The following NBEA variants were observed in gnomAD, a reference collection of about 807,000 sequenced individuals.
The protein encoded by NBEA is lysosomal-trafficking regulator 2.
NBEA carries 44 observed loss-of-function variants against 343.4 expected under a neutral mutation model. That is an observed-to-expected ratio of 0.13 (90% CI 0.10 to 0.16). NBEA has a LOEUF of 0.16. Among genes scored for constraint, NBEA ranks in the 10% least tolerant of loss-of-function variants. NBEA has a pLI of 1.00. For synonymous variants in NBEA, 1,175 were observed against 1,238.7 expected (o/e 0.95, Z 1.08); for missense variants, 2,555 against 3,631.3 (o/e 0.70, Z 7.62).
chr13:35,642,714 G>A (rs1000066320), intron 49 of NBEA, among the ~76,000 whole-genome samples: 2 of 152,092 alleles, frequency 1.3e-5, no homozygotes, highest in South Asian at 2.1e-4. Context: ...CCTGATCTGC[G>A]AAGTTTTTAA....
chr13:35,346,812 A>G (rs907319707), intron 36 of NBEA, among the ~76,000 whole-genome samples: 2 of 152,112 alleles, frequency 1.3e-5, no homozygotes, highest in African/African-American at 2.4e-5. Flanking sequence ...AAATCTTATC[A>G]AGGAGTGATT....
At chr13:35,152,221 G>A (rs1022876843) in intron 18 of NBEA, among the ~76,000 whole-genome samples, 1 of 152,064 alleles carries the variant, frequency 6.6e-6, no homozygotes, top group African/African-American at 2.4e-5. Context: ...GTTTCTATAA[G>A]GATATAACAA....
intron 34 of NBEA, among the ~76,000 whole-genome samples, chr13:35,240,277 G>A (rs575911716): frequency 1.3e-5 from 2 of 151,838 alleles, no homozygotes; most frequent in Non-Finnish European, 3.0e-5. Flanking sequence ...AGTTATTGAG[G>A]GGGGATGTTT....
intron 34 of NBEA, among the ~76,000 whole-genome samples, chr13:35,273,445 AAAG>A: frequency 6.6e-6 from 1 of 152,184 alleles, no homozygotes; most frequent in East Asian, 1.9e-4. Flanking sequence ...ATCACAATTA[AAAG>A]AACTAGAGAA....
rs553809851 is a variant in NBEA at position 35,603,778 on chromosome 13, G to A, written c.7297-2648G>A. ...GTACATATAAATCACACTCCCAACC[G>A]AGCAGCTGCACAAGCTTACGTTCCT... On this transcript the variant is annotated intron_variant, in intron 47 of 58. Coordinates refer to ENST00000379939, the MANE Select transcript of NBEA (RefSeq NM_001385012.1). Among the ~76,000 whole-genome samples, 32 of 152,206 alleles carry A rather than the reference G, an allele frequency of 2.1e-4. No homozygotes were observed. In the South Asian group the frequency reaches 2.9e-3, roughly 14 times the overall value.
chr13:35,338,186 A>G (rs979506746), intron 36 of NBEA, among the ~76,000 whole-genome samples: 30 of 151,886 alleles, frequency 2.0e-4, no homozygotes, highest in Non-Finnish European at 4.4e-5. Context: ...ATCCTTTAAA[A>G]AGACCAACAA....
At chr13:35,543,393 G>A (rs1478289181) in intron 41 of NBEA, among the ~76,000 whole-genome samples, 4 of 152,168 alleles carry the variant, frequency 2.6e-5, no homozygotes, top group Non-Finnish European at 5.9e-5. Context: ...CTCTTTCCAA[G>A]TTGTGTGCTA....
rs949157994 is a variant in NBEA, at chr13:34,948,669, G to A, written c.294+5555G>A. Among the ~76,000 whole-genome samples, 10 of 152,186 alleles carry A rather than the reference G, an allele frequency of 6.6e-5. No homozygotes were observed. The East Asian group carries it at 1.9e-3, about 29-fold the overall frequency. On this transcript the variant is annotated intron_variant, in intron 1 of 58. Coordinates refer to ENST00000379939, the MANE Select transcript of NBEA (RefSeq NM_001385012.1). ...AACAGACCTTAGATTTTGAAATGGA[G>A]TGGAAGGCAGTGAGAACTTTGTGGT...
In NBEA at chr13:35,472,492, G is replaced by C; in HGVS notation, c.6541G>C (p.Glu2181Gln). The change falls in exon 41 of 59, where the codon GAG (glutamate) becomes CAG (glutamine). Residue 2181 changes from glutamate to glutamine, a missense_variant. Glu to Gln is a conservative substitution (Grantham distance 29). Around this residue, in one of 21 missense-constraint regions of NBEA, gnomAD observed 246 missense variants for 313.7 expected, o/e 0.78. Coordinates refer to ENST00000379939, the MANE Select transcript of NBEA (RefSeq NM_001385012.1). The part of the protein sequence containing the change: ...LSITTTEIYF[E>Q]VDEDDSAFKK... ...CATCACCACGACAGAAATCTACTTCGAGGTAGATGAGGATGATTCTGCCTT... is the reference window on the plus strand; with the variant it reads ...CATCACCACGACAGAAATCTACTTCCAGGTAGATGAGGATGATTCTGCCTT... The C allele has an allele frequency of 1.2e-6, 2 of 1,613,954 alleles. No individual in the cohort carries two copies. Among genetic ancestry groups the C allele is most frequent in the Non-Finnish European group, 1.7e-6 (2 of 1,179,886 alleles).
intron 34 of NBEA, among the ~76,000 whole-genome samples, chr13:35,239,516 A>G (rs1361624291): frequency 6.6e-6 from 1 of 152,096 alleles, no homozygotes; most frequent in Non-Finnish European, 1.5e-5. Context: ...TTAATATTCT[A>G]ATTATTTTAT....
intron 41 of NBEA, chr13:35,476,899 G>C (rs2075897355): frequency 1.3e-6 from 1 of 753,640 alleles, no homozygotes; most frequent in Non-Finnish European, 1.7e-6. Flanking sequence ...AAATCAAGAG[G>C]AATCTCTCAG....
intron 1 of NBEA, among the ~76,000 whole-genome samples, chr13:34,999,254 T>C (rs543508459): frequency 1.3e-5 from 2 of 152,326 alleles, no homozygotes; most frequent in Non-Finnish European, 1.5e-5. Context: ...TGGAGTACTT[T>C]AGATATTTTG....
intron 41 of NBEA, among the ~76,000 whole-genome samples, chr13:35,499,590 A>G (rs1436173745): frequency 1.3e-5 from 2 of 152,006 alleles, no homozygotes; most frequent in East Asian, 1.9e-4. Flanking sequence ...CCTTTTGTCC[A>G]GGCACTGTTC....
chr13:35,170,591 A>G (rs1473305452), intron 25 of NBEA, among the ~76,000 whole-genome samples: 1 of 152,012 alleles, frequency 6.6e-6, no homozygotes, highest in East Asian at 1.9e-4. Flanking sequence ...ATGTAGTGAA[A>G]GTACAGTTTT....
At chr13:35,339,313 G>A (rs1257334757) in intron 36 of NBEA, among the ~76,000 whole-genome samples, 1 of 151,158 alleles carries the variant, frequency 6.6e-6, no homozygotes, top group Non-Finnish European at 1.5e-5. Context: ...CAAAATGGCA[G>A]GATATGAGAC....
chr13:35,497,758 G>A (rs1000857548), intron 41 of NBEA, among the ~76,000 whole-genome samples: 1 of 151,944 alleles, frequency 6.6e-6, no homozygotes, highest in African/African-American at 2.4e-5. Context: ...GGAGATTTCA[G>A]ACTATGTATT....
chr13:35,139,844 C>T (rs1441652639), intron 17 of NBEA, among the ~76,000 whole-genome samples: 2 of 140,232 alleles, frequency 1.4e-5, no homozygotes, highest in Non-Finnish European at 3.0e-5. Flanking sequence ...AGGAAGTTGA[C>T]TCATCTCTAC....
intron 41 of NBEA, 108 bp downstream of exon 41, chr13:35,472,644 CTT>C: frequency 9.3e-7 from 1 of 1,070,996 alleles, no homozygotes; most frequent in East Asian, 2.4e-5. Context: ...ACATTCTCCT[CTT>C]TCTCATAGAA....
In NBEA at chr13:35,507,309, C is replaced by CT. The variant is rs960752649; in HGVS notation, c.6585+34782dup. ...GTGTCCCAAAGCTCAGTTCTTGGAC[C>CT]TTTTTTTTTCTTTTTACAATTACTC... On this transcript the variant is annotated intron_variant, in intron 41 of 58. Transcript: ENST00000379939. 7.9e-5 allele frequency among the ~76,000 whole-genome samples: 12 copies of CT among 151,158 alleles called. 1 individual carries two copies. Among genetic ancestry groups the CT allele is most frequent in the African/African-American group, 2.4e-4 (10 of 41,158 alleles).
Sources: gnomAD v4.1 joint callset for allele counts (sites outside exome capture counted in the v4.1 genomes callset) on GRCh38, gnomAD v4.1.1 for gene constraint, gnomAD v4.1.1 regional missense constraint, MANE v1.5 for transcripts, NCBI Gene and HGNC (gene_info 2026-07-23, HGNC 2026-07-21) for gene names.